The following ARSJ variants were observed in gnomAD, a reference collection of about 807,000 sequenced individuals.
ARSJ encodes the protein arylsulfatase J.
Under a neutral mutation model 35.9 loss-of-function variants are expected in ARSJ, and 26 were observed. The ratio of observed to expected loss-of-function variants is 0.72; its 90% CI spans 0.53 to 1.00. The LOEUF is 1.00. Ranked by LOEUF, ARSJ falls within the 50% of genes least tolerant of loss-of-function variation. ARSJ has a pLI of 0.00. For synonymous variants in ARSJ, 294 were observed against 267.6 expected (o/e 1.10, Z -0.96); for missense variants, 667 against 723.6 (o/e 0.92, Z 0.90).
chr4:113,918,223 T>C (rs953193466), intron 1 of ARSJ, among the ~76,000 whole-genome samples: 12 of 152,132 alleles, frequency 7.9e-5, no homozygotes, highest in South Asian at 2.1e-4. Flanking sequence ...CCTCACACAC[T>C]TCAACAGAAA....
At chr4:113,906,731 C>A (rs1280426334) in intron 1 of ARSJ, 1 of 455,930 alleles carries the variant, frequency 2.2e-6, no homozygotes, top group East Asian at 7.0e-5. Context: ...TCCCTCTGAT[C>A]CTCAGTTTCC....
At chr4:113,970,738 T>C (rs1727190847) in intron 1 of ARSJ, 1 of 152,128 alleles carries the variant, frequency 6.6e-6, no homozygotes, top group Non-Finnish European at 1.5e-5. Flanking sequence ...GTGGATCACT[T>C]AAGCCCAGGA....
intron 1 of ARSJ, among the ~76,000 whole-genome samples, chr4:113,938,985 A>G (rs1328116477): frequency 6.6e-6 from 1 of 151,528 alleles, no homozygotes; most frequent in African/African-American, 2.4e-5. Flanking sequence ...ATATGTATAC[A>G]TGTGCCATGC....
rs556852109 is a variant in ARSJ at position 113,928,083 on chromosome 4, C to T, written c.399-24408G>A. Among the ~76,000 whole-genome samples, 218 of 152,228 alleles carry T rather than the reference C, an allele frequency of 1.4e-3. 4 individuals are homozygous for T. The highest frequency in any genetic ancestry group is 4.6e-4 in the Admixed American group (7 of 15,276). ...ACATTGGACCCTCTGTAAGTCAGAC[C>T]TGAGCTAAAATCCCATTAATTACTT... On this transcript the variant is annotated intron_variant, in intron 1 of 1. Transcript: ENST00000315366.
chr4:113,964,323 C>T (rs1403745130), intron 1 of ARSJ, among the ~76,000 whole-genome samples: 2 of 151,966 alleles, frequency 1.3e-5, no homozygotes, highest in Non-Finnish European at 1.5e-5. Flanking sequence ...AGAAAAGGAG[C>T]ACATAAAAAA....
rs80022857 is a variant in ARSJ at position 113,968,993 on chromosome 4, T to C, written c.398+9444A>G. ...TCTAAGTTGTAGCCCCAGGGGTGAGTTGGAATTCAAAGCTGGATAAGATAT... is the reference window on the plus strand; with the variant it reads ...TCTAAGTTGTAGCCCCAGGGGTGAGCTGGAATTCAAAGCTGGATAAGATAT... On this transcript the variant is annotated intron_variant, in intron 1 of 1. Coordinates refer to ENST00000315366, the MANE Select transcript of ARSJ (RefSeq NM_024590.4). Among the ~76,000 whole-genome samples, 2,040 of 152,190 alleles carry C rather than the reference T, an allele frequency of 0.013. 110 individuals carry two copies. The East Asian group carries it at 0.16, about 12-fold the overall frequency.
At chr4:113,929,914 G>A (rs549336881) in intron 1 of ARSJ, among the ~76,000 whole-genome samples, 4 of 152,064 alleles carry the variant, frequency 2.6e-5, no homozygotes, top group Non-Finnish European at 4.4e-5. Flanking sequence ...CACAAGCAGT[G>A]AGTGAATCAG....
intron 1 of ARSJ, among the ~76,000 whole-genome samples, chr4:113,927,870 T>C (rs1273466553): frequency 2.0e-5 from 3 of 152,132 alleles, no homozygotes; most frequent in Non-Finnish European, 4.4e-5. Flanking sequence ...GGATACAATA[T>C]TATTTTTGAC....
rs148349731 is a variant in ARSJ, at chr4:113,925,395, G to C, written c.399-21720C>G. ...TTCCACTCCCACCCCTTGATTTCCT[G>C]GACCCGTGAATCCTGACTATGGGAG... On this transcript the variant is annotated intron_variant, in intron 1 of 1. Transcript: ENST00000315366. Among the ~76,000 whole-genome samples, 4 of 152,094 alleles carry C rather than the reference G, an allele frequency of 2.6e-5. No individual in the cohort carries two copies. The East Asian group carries it at 7.7e-4, about 29-fold the overall frequency.
At chr4:113,937,277 C>T (rs772890338) in intron 1 of ARSJ, among the ~76,000 whole-genome samples, 3 of 151,828 alleles carry the variant, frequency 2.0e-5, no homozygotes, top group Non-Finnish European at 4.4e-5. Flanking sequence ...TGTAGTGACA[C>T]GTAAGAACAC....
chr4:113,926,938 C>T (rs1724107689), intron 1 of ARSJ, among the ~76,000 whole-genome samples: 1 of 152,164 alleles, frequency 6.6e-6, no homozygotes, highest in Non-Finnish European at 1.5e-5. Flanking sequence ...AGGCTCCAAA[C>T]AGCATCCCTA....
At chr4:113,937,687 A>G (rs1015947947) in intron 1 of ARSJ, among the ~76,000 whole-genome samples, 2 of 152,130 alleles carry the variant, frequency 1.3e-5, no homozygotes, top group African/African-American at 2.4e-5. Context: ...TAACTTAAGC[A>G]AAGTCTCTGG....
chr4:113,939,119 T>A (rs1037284256), intron 1 of ARSJ, among the ~76,000 whole-genome samples: 3 of 142,386 alleles, frequency 2.1e-5, no homozygotes, highest in South Asian at 2.4e-4. Flanking sequence ...TGTCCATGTG[T>A]TCTCATTGTT....
intron 1 of ARSJ, among the ~76,000 whole-genome samples, chr4:113,930,419 G>A (rs1476190464): frequency 6.6e-6 from 1 of 151,976 alleles, no homozygotes; most frequent in Non-Finnish European, 1.5e-5. Flanking sequence ...CCAGATTAAG[G>A]GTGGGTTGGA....
intron 1 of ARSJ, among the ~76,000 whole-genome samples, chr4:113,928,023 C>G (rs546793932): frequency 1.1e-4 from 16 of 152,214 alleles, no homozygotes; most frequent in African/African-American, 3.6e-4. Context: ...TGCATTCTGG[C>G]GCTGGGGAAA....
intron 1 of ARSJ, among the ~76,000 whole-genome samples, chr4:113,928,060 A>T (rs1478693695): frequency 6.6e-6 from 1 of 152,112 alleles, no homozygotes; most frequent in African/African-American, 2.4e-5. Context: ...CTGGGGACAC[A>T]TTGGACCCTC....
intron 1 of ARSJ, among the ~76,000 whole-genome samples, chr4:113,954,970 T>C (rs1016568810): frequency 2.0e-5 from 3 of 151,864 alleles, no homozygotes; most frequent in Admixed American, 6.6e-5. Flanking sequence ...TCCTTTCTTC[T>C]CCCTCTCAAT....
At chr4:113,957,677 G>A (rs1726271622) in intron 1 of ARSJ, among the ~76,000 whole-genome samples, 1 of 152,010 alleles carries the variant, frequency 6.6e-6, no homozygotes, top group Non-Finnish European at 1.5e-5. Context: ...TTTGTGTATT[G>A]AACACAATGA....
intron 1 of ARSJ, among the ~76,000 whole-genome samples, chr4:113,938,055 A>G (rs967480165): frequency 2.0e-5 from 3 of 152,088 alleles, no homozygotes; most frequent in African/African-American, 4.8e-5. Context: ...TTCATATGGA[A>G]CCAAAAAAGA....
Sources: allele counts gnomAD v4.1 joint callset (sites outside exome capture counted in the v4.1 genomes callset), GRCh38; gene constraint gnomAD v4.1.1; transcripts MANE v1.5; gene names NCBI Gene and HGNC (gene_info 2026-07-23, HGNC 2026-07-21).